MRPL13: variants seen among roughly 807,000 people sequenced by gnomAD.
The protein encoded by MRPL13 is large ribosomal subunit protein uL13m.
Under a neutral mutation model 29.0 loss-of-function variants are expected in MRPL13, and 33 were observed. The observed-to-expected ratio is 1.14, with a 90% CI of 0.86 to 1.52. The LOEUF is 1.52. Among genes scored for constraint, MRPL13 ranks in the 40% most tolerant of loss-of-function variants. The probability of loss-of-function intolerance (pLI) is 0.00; values close to 1 mark genes in which losing one functional copy is unlikely to be tolerated. For synonymous variants in MRPL13, 77 were observed against 68.4 expected, an observed-to-expected ratio of 1.13 and a Z score of -0.62; for missense variants, 227 against 216.7, an observed-to-expected ratio of 1.05 and a Z score of -0.30.
At chr8:120,431,897 T>A (rs1269273045) in intron 3 of MRPL13, 133 bp downstream of exon 3, 1 of 587,116 alleles carries the variant, frequency 1.7e-6, no homozygotes, top group Non-Finnish European at 2.7e-6. Context: ...GTAAATTATA[T>A]ACATGGCATG....
intron 6 of MRPL13, among the ~76,000 whole-genome samples, chr8:120,398,224 C>T (rs1194193973): frequency 6.6e-6 from 1 of 152,146 alleles, no homozygotes; most frequent in Non-Finnish European, 1.5e-5. Flanking sequence ...TAGACAACTC[C>T]TACAGGAGTG....
chr8:120,398,020 G>A (rs1266375739), intron 6 of MRPL13, among the ~76,000 whole-genome samples: 3 of 152,226 alleles, frequency 2.0e-5, no homozygotes, highest in African/African-American at 7.2e-5. Context: ...TGGCGGGAGG[G>A]GTGGCCAACA....
intron 6 of MRPL13, among the ~76,000 whole-genome samples, chr8:120,403,489 A>T (rs140827585): frequency 6.6e-6 from 1 of 151,938 alleles, no homozygotes; most frequent in South Asian, 2.1e-4. Context: ...GCAGCCTGTT[A>T]GGAGGGGTTG....
intron 3 of MRPL13, among the ~76,000 whole-genome samples, chr8:120,430,278 T>C (rs920561433): frequency 5.3e-5 from 8 of 151,984 alleles, no homozygotes; most frequent in African/African-American, 1.7e-4. Context: ...CAAAACAAAA[T>C]GAAAATTTTA....
chr8:120,398,849 A>G (rs1392222930), intron 6 of MRPL13, among the ~76,000 whole-genome samples: 1 of 152,210 alleles, frequency 6.6e-6, no homozygotes, highest in Non-Finnish European at 1.5e-5. Flanking sequence ...TGAGAAATAC[A>G]TAATGCAATC....
chr8:120,416,520 TA>T (rs577577168), intron 5 of MRPL13, among the ~76,000 whole-genome samples: 1 of 151,858 alleles, frequency 6.6e-6, no homozygotes, highest in Non-Finnish European at 1.5e-5. Context: ...TAAATAAAAA[TA>T]AAGAGTTCCC....
rs1419717298 is a variant in MRPL13 at position 120,425,376 on chromosome 8, G to T, written c.246-10C>A. 5 of 1,607,168 alleles carry T rather than the reference G, an allele frequency of 3.1e-6. No homozygotes were observed. On this transcript the variant is annotated splice_polypyrimidine_tract_variant and intron_variant, in intron 3 of 6. Coordinates refer to ENST00000306185, the MANE Select transcript of MRPL13 (RefSeq NM_014078.6). ...AAATCCACCTGGGTAGCTGTTAAAA[G>T]GAGAAAAGACATTAAAACTGGGCAT...
intron 3 of MRPL13, among the ~76,000 whole-genome samples, chr8:120,429,074 A>C (rs1812966751): frequency 6.6e-6 from 1 of 152,222 alleles, no homozygotes; most frequent in South Asian, 2.1e-4. Context: ...TATTCATTAT[A>C]GTAAAGACAT....
intron 6 of MRPL13, among the ~76,000 whole-genome samples, chr8:120,412,082 C>T (rs1163820600): frequency 6.6e-6 from 1 of 151,942 alleles, no homozygotes; most frequent in Non-Finnish European, 1.5e-5. Flanking sequence ...TGTATTTGCA[C>T]ATACATGATT....
At position 120,419,831 on chromosome 8, in the gene MRPL13, T is replaced by C; in HGVS notation, c.393+21A>G. 1.9e-6 allele frequency: 3 copies of C among 1,555,080 alleles called. No homozygotes were observed. The Middle Eastern group carries it at 5.1e-4, about 262-fold the overall frequency. ...ATTGAAAATTTTGGAAAAGCATTGT[T>C]ACCAATGACCACTGACTTACCTCAT... On this transcript the variant is annotated intron_variant, in intron 5 of 6. Coordinates refer to ENST00000306185, the MANE Select transcript of MRPL13 (RefSeq NM_014078.6).
At chr8:120,400,064 T>G (rs1376220609) in intron 6 of MRPL13, among the ~76,000 whole-genome samples, 1 of 152,082 alleles carries the variant, frequency 6.6e-6, no homozygotes, top group African/African-American at 2.4e-5. Context: ...CTGACAATAT[T>G]TGACAGATCA....
chr8:120,423,686 A>G (rs1812899438), intron 4 of MRPL13, among the ~76,000 whole-genome samples: 1 of 152,172 alleles, frequency 6.6e-6, no homozygotes, highest in African/African-American at 2.4e-5. Context: ...AAACAGTTGT[A>G]GACAAAAAAG....
At position 120,396,095 on chromosome 8, in the gene MRPL13, C is replaced by A; in HGVS notation, c.*9G>T. On this transcript the variant is annotated 3_prime_UTR_variant, in exon 7 of 7. Coordinates refer to ENST00000306185, the MANE Select transcript of MRPL13 (RefSeq NM_014078.6). ...CACTTCACTGTTATTTTCTGCAATT[C>A]TTATTCTCTTATAGCCGATAATCTT... 6.3e-7 allele frequency: 1 copy of A among 1,581,232 alleles called. No individual in the cohort carries two copies. The highest frequency in any genetic ancestry group is 8.6e-7 in the Non-Finnish European group (1 of 1,158,650).
intron 2 of MRPL13, among the ~76,000 whole-genome samples, chr8:120,437,063 G>A (rs932813091): frequency 3.9e-5 from 6 of 152,096 alleles, no homozygotes; most frequent in African/African-American, 1.4e-4. Context: ...AAGGAGATAC[G>A]TATTCTAGAT....
chr8:120,438,489 G>C (rs1813079970), intron 2 of MRPL13, among the ~76,000 whole-genome samples: 1 of 152,220 alleles, frequency 6.6e-6, no homozygotes, highest in Non-Finnish European at 1.5e-5. Context: ...TTGCAATGAT[G>C]ACCTGGTTAT....
chr8:120,414,182 C>A, intron 5 of MRPL13, 70 bp from the exon 6 acceptor site: 5 of 1,068,304 alleles, frequency 4.7e-6, no homozygotes, highest in Non-Finnish European at 4.9e-6. Flanking sequence ...ACTAATACTT[C>A]ATAAGTGTTA....
chr8:120,398,649 T>C lies in MRPL13; in HGVS notation c.516-2524A>G, dbSNP rs754068877. On this transcript the variant is annotated intron_variant, in intron 6 of 6. Transcript: ENST00000306185. ...CAAGGGCACAGAACTGGGCTGAAGTTGAGATGGCTGAACTGACAGAAGTAG... is the reference window on the plus strand; with the variant it reads ...CAAGGGCACAGAACTGGGCTGAAGTCGAGATGGCTGAACTGACAGAAGTAG... Among the ~76,000 whole-genome samples the C allele has an allele frequency of 9.9e-5, 15 of 152,054 alleles. 1 individual carries two copies. The highest frequency in any genetic ancestry group is 2.2e-4 in the Non-Finnish European group (15 of 68,016).
At chr8:120,420,653 C>A (rs1260812380) in intron 4 of MRPL13, among the ~76,000 whole-genome samples, 1 of 151,556 alleles carries the variant, frequency 6.6e-6, no homozygotes, top group Non-Finnish European at 1.5e-5. Context: ...GCAAAAATTT[C>A]TACTAGACAG....
At chr8:120,421,322 T>G (rs894689616) in intron 4 of MRPL13, among the ~76,000 whole-genome samples, 1 of 151,874 alleles carries the variant, frequency 6.6e-6, no homozygotes, top group Non-Finnish European at 1.5e-5. Flanking sequence ...TATATTTATT[T>G]GAAATTAGAA....
Sources: allele counts gnomAD v4.1 joint callset (sites outside exome capture counted in the v4.1 genomes callset), GRCh38; gene constraint gnomAD v4.1.1; transcripts MANE v1.5; gene names NCBI Gene and HGNC (gene_info 2026-07-23, HGNC 2026-07-21).